GRIK3: variants seen among roughly 807,000 people sequenced by gnomAD.
GRIK3 encodes the protein glutamate receptor ionotropic, kainate 3.
Under a neutral mutation model 102.5 loss-of-function variants are expected in GRIK3, and 29 were observed. The ratio of observed to expected loss-of-function variants is 0.28; its 90% confidence interval spans 0.21 to 0.39. The LOEUF is 0.39. Among genes scored for constraint, GRIK3 ranks in the 10% least tolerant of loss-of-function variants. The pLI is 1.00. For synonymous variants in GRIK3, 511 were observed against 504.9 expected (o/e 1.01, Z -0.16); for missense variants, 908 against 1,252.4 (o/e 0.73, Z 4.15).
At chr1:37,004,216 G>A (rs960687436) in intron 1 of GRIK3, among the ~76,000 whole-genome samples, 3 of 152,136 alleles carry the variant, frequency 2.0e-5, no homozygotes, top group Non-Finnish European at 2.9e-5. Flanking sequence ...CCCACCCTCC[G>A]AGGGGGCTCG....
chr1:36,971,658 C>A (rs1408948746), intron 1 of GRIK3, among the ~76,000 whole-genome samples: 1 of 152,172 alleles, frequency 6.6e-6, no homozygotes, highest in East Asian at 1.9e-4. Flanking sequence ...CTTGGCAGCT[C>A]CTAGAACCTT....
At chr1:36,839,515 C>T (rs1207606046) in intron 10 of GRIK3, among the ~76,000 whole-genome samples, 1 of 151,760 alleles carries the variant, frequency 6.6e-6, no homozygotes, top group Non-Finnish European at 1.5e-5. Flanking sequence ...CCTGAAGCCC[C>T]CTCCCCAGCC....
At chr1:36,836,107 T>TG (rs1640375065) in intron 10 of GRIK3, among the ~76,000 whole-genome samples, 1 of 152,206 alleles carries the variant, frequency 6.6e-6, no homozygotes, top group Admixed American at 6.5e-5. Flanking sequence ...ATGCTTTACT[T>TG]GCAATTGTGC....
At chr1:36,929,159 G>C (rs1222201903) in intron 1 of GRIK3, among the ~76,000 whole-genome samples, 4 of 152,032 alleles carry the variant, frequency 2.6e-5, no homozygotes, top group Non-Finnish European at 5.9e-5. Context: ...TCAGAGTCAG[G>C]CATTACAACA....
At chr1:36,942,332 A>G (rs529407) in intron 1 of GRIK3, among the ~76,000 whole-genome samples, 49,955 of 152,184 alleles carry the variant, frequency 0.33, 10,212 homozygotes, top group African/African-American at 0.57. Context: ...CCGAGCTGAT[A>G]GCAGCGTCTG....
At chr1:36,830,810 CAAAAAAAAA>C (rs948901521) in intron 10 of GRIK3, among the ~76,000 whole-genome samples, 732 of 41,332 alleles carry the variant, frequency 0.018, 3 homozygotes, top group African/African-American at 0.05. Context: ...GACTCTGTCT[CAAAAAAAAA>C]AAAAAAAAAA....
At chr1:36,861,930 T>C (rs1011591753) in intron 5 of GRIK3, among the ~76,000 whole-genome samples, 3 of 151,978 alleles carry the variant, frequency 2.0e-5, no homozygotes, top group Non-Finnish European at 2.9e-5. Flanking sequence ...GGCCCCAGTG[T>C]CAGTAGGGAG....
intron 1 of GRIK3, among the ~76,000 whole-genome samples, chr1:36,988,911 T>C (rs983423968): frequency 6.6e-6 from 1 of 152,170 alleles, no homozygotes; most frequent in African/African-American, 2.4e-5. Context: ...ATAAAGGCTT[T>C]ACCAGGGCTG....
At chr1:36,941,954 C>T (rs956447115) in intron 1 of GRIK3, among the ~76,000 whole-genome samples, 1 of 152,150 alleles carries the variant, frequency 6.6e-6, no homozygotes, top group Non-Finnish European at 1.5e-5. Context: ...CTTGCAGATG[C>T]AGGAATAGAG....
intron 1 of GRIK3, among the ~76,000 whole-genome samples, chr1:36,958,761 C>A (rs151301847): frequency 1.8e-5 from 1 of 55,576 alleles, no homozygotes; most frequent in Non-Finnish European, 3.6e-5. Flanking sequence ...GTGTGCCCTG[C>A]GAGCCTGTGT....
chr1:36,999,302 G>A (rs919267074), intron 1 of GRIK3, among the ~76,000 whole-genome samples: 1 of 152,090 alleles, frequency 6.6e-6, no homozygotes, highest in African/African-American at 2.4e-5. Context: ...AGCTGCAGGG[G>A]CAGGTAGAGG....
chr1:37,021,288 G>A (rs1418160657), intron 1 of GRIK3, among the ~76,000 whole-genome samples: 1 of 151,902 alleles, frequency 6.6e-6, no homozygotes, highest in Admixed American at 6.6e-5. Context: ...ATCCCAACCC[G>A]TGAAAGAAAA....
intron 1 of GRIK3, among the ~76,000 whole-genome samples, chr1:37,033,154 A>G (rs185047244): frequency 6.6e-6 from 1 of 152,322 alleles, no homozygotes; most frequent in East Asian, 1.9e-4. Context: ...GGCGGCCACA[A>G]CAAAGTTAAA....
In GRIK3 at chr1:36,806,016, G is replaced by A. The variant is rs1237235464; in HGVS notation, c.2314+88C>T. 5.4e-6 allele frequency: 4 copies of A among 736,598 alleles called. No individual in the cohort carries two copies. The highest frequency in any genetic ancestry group is 5.3e-5 in the African/African-American group (3 of 56,936). The allele number at this position is 736,598 out of a possible 1,614,324, so 45.6% of individuals were successfully genotyped here. ...CACCTTTATCAGCCCCATGGAATGA[G>A]CTGTGAGACGGAGTGTGAGGGGACG... On this transcript the variant is annotated intron_variant, in intron 14 of 15. Coordinates refer to ENST00000373091, the MANE Select transcript of GRIK3 (RefSeq NM_000831.4). The surrounding 1 kb of genome is among the most constrained non-coding windows in gnomAD (Gnocchi z 4.0).
At chr1:36,813,984 T>C (rs1357188735) in intron 13 of GRIK3, among the ~76,000 whole-genome samples, 1 of 151,892 alleles carries the variant, frequency 6.6e-6, no homozygotes, top group Non-Finnish European at 1.5e-5. Context: ...ATGCAGGGGG[T>C]GTGGAGTTGT....
intron 7 of GRIK3, among the ~76,000 whole-genome samples, chr1:36,854,826 G>C (rs888650955): frequency 5.9e-5 from 9 of 152,186 alleles, no homozygotes; most frequent in African/African-American, 2.2e-4. Flanking sequence ...AGCAGCCATG[G>C]GAGGTGGCCA....
In GRIK3 at chr1:36,841,886, G is replaced by A. The variant is rs140524228; in HGVS notation, c.1380C>T (p.Asp460=). 9.7e-5 allele frequency: 156 copies of A among 1,614,094 alleles called. No homozygotes were observed. The highest frequency in any genetic ancestry group is 2.8e-5 in the Non-Finnish European group (33 of 1,180,040). Residue 460 remains aspartate (D), a synonymous_variant, in exon 10 of 16, where the codon GAC becomes GAT. Coordinates refer to ENST00000373091, the MANE Select transcript of GRIK3 (RefSeq NM_000831.4). ...GGTCGATGCAGTAGCCCTCGAACCG[G>A]TCATTCCCGTATAGCGTCCTGTCTG... The part of the protein sequence containing the change: ...RKSDRTLYGN[D]RFEGYCIDLL...
At chr1:36,955,941 A>C (rs746060310) in intron 1 of GRIK3, among the ~76,000 whole-genome samples, 18 of 152,260 alleles carry the variant, frequency 1.2e-4, no homozygotes, top group Non-Finnish European at 1.6e-4. Context: ...AAGGCTCGGC[A>C]TCAGACCAGA....
intron 1 of GRIK3, among the ~76,000 whole-genome samples, chr1:36,926,967 G>A (rs969983793): frequency 2.6e-5 from 4 of 152,274 alleles, no homozygotes; most frequent in Admixed American, 6.5e-5. Context: ...AGAGCTACAC[G>A]GTGAAGCTCT....
Sources: allele counts gnomAD v4.1 joint callset (sites outside exome capture counted in the v4.1 genomes callset), GRCh38; gene constraint gnomAD v4.1.1; non-coding constraint Gnocchi (gnomAD v3.1); transcripts MANE v1.5; gene names NCBI Gene and HGNC (gene_info 2026-07-23, HGNC 2026-07-21).